The following SUPT20H variants were observed in gnomAD, a reference collection of about 807,000 sequenced individuals.
SUPT20H encodes the protein SPT20 homolog, SAGA complex component.
Under a neutral mutation model 122.8 loss-of-function variants are expected in SUPT20H, and 82 were observed. That is an observed-to-expected ratio of 0.67 (90% CI 0.56 to 0.80). The LOEUF (loss-of-function observed/expected upper bound fraction) is 0.80. Among genes scored for constraint, SUPT20H ranks in the 30% least tolerant of loss-of-function variants. The pLI is 0.00. For missense variants in SUPT20H, 831 were observed against 921.6 expected, an observed-to-expected ratio of 0.90 and a Z score of 1.27; for synonymous variants, 291 against 313.0, an observed-to-expected ratio of 0.93 and a Z score of 0.74.
intron 9 of SUPT20H, 21 bp from the exon 10 acceptor site, chr13:37,033,609 T>C (rs1258211362): frequency 3.7e-6 from 6 of 1,605,654 alleles, no homozygotes; most frequent in Non-Finnish European, 5.1e-6. Flanking sequence ...TAAGAGCATA[T>C]GTCAATACCA....
chr13:37,010,838 T>C (rs1235924741), intron 24 of SUPT20H, 183 bp from the exon 25 acceptor site: 3 of 503,556 alleles, frequency 6.0e-6, no homozygotes, highest in Non-Finnish European at 1.1e-5. Flanking sequence ...GGGGTACCAC[T>C]GATAATGGAA....
At chr13:37,017,579 A>G (rs1249726542) in intron 22 of SUPT20H, among the ~76,000 whole-genome samples, 9 of 152,192 alleles carry the variant, frequency 5.9e-5, no homozygotes. Flanking sequence ...CAAGTATGCT[A>G]ATACTCTTAA....
Position 37,047,571 on chromosome 13 carries a change from C to G in SUPT20H, c.129G>C (p.Leu43Phe). 7.0e-7 allele frequency: 1 copy of G among 1,429,340 alleles called. No individual in the cohort carries two copies. The highest frequency in any genetic ancestry group is 9.3e-7 in the Non-Finnish European group (1 of 1,070,530). 88.5% of individuals were successfully genotyped at this position (1,429,340 alleles called of 1,614,324 possible). Residue 43 changes from leucine to phenylalanine, a missense_variant, in exon 5 of 26, where the codon TTG becomes TTC. By Grantham distance (22) the Leu-to-Phe change is conservative. Transcript: ENST00000350612. ...RKSVFQKLYD[L>F]YIEECEKEPE... Reference sequence around the variant, plus strand: ...GTTCTTTTTCACATTCTTCAATATACAAGTCATAAAGTTTTTGAAATACAG... The same window carrying G: ...GTTCTTTTTCACATTCTTCAATATAGAAGTCATAAAGTTTTTGAAATACAG...
intron 12 of SUPT20H, among the ~76,000 whole-genome samples, chr13:37,030,391 G>T (rs2063087269): frequency 6.6e-6 from 1 of 152,106 alleles, no homozygotes; most frequent in Admixed American, 6.5e-5. Context: ...AGGCAACCAC[G>T]ATCTTAAGAG....
chr13:37,016,947 G>C (rs1383098091), intron 23 of SUPT20H, among the ~76,000 whole-genome samples: 1 of 152,146 alleles, frequency 6.6e-6, no homozygotes, highest in Admixed American at 6.5e-5. Context: ...AAATACATGA[G>C]TGATAGGGGC....
intron 21 of SUPT20H, among the ~76,000 whole-genome samples, chr13:37,020,450 C>T (rs533765846): frequency 6.6e-6 from 1 of 152,224 alleles, no homozygotes; most frequent in African/African-American, 2.4e-5. Flanking sequence ...CACTTTAGAG[C>T]AAACTGAACT....
At chr13:37,010,741 A>C in intron 24 of SUPT20H, 86 bp from the exon 25 acceptor site, 1 of 923,910 alleles carries the variant, frequency 1.1e-6, no homozygotes, top group South Asian at 1.5e-5. Flanking sequence ...AAAATGAAAT[A>C]ATAGAAAAGT....
Position 37,040,601 on chromosome 13 carries a change from TGCCGAC to T in SUPT20H, c.482_487del (p.Ser161_His163delinsAsn). 1 of 1,614,138 alleles carries T rather than the reference TGCCGAC, an allele frequency of 6.2e-7. No homozygotes were observed. On this transcript the variant is annotated inframe_deletion, in exon 8 of 26. Coordinates refer to ENST00000350612, the MANE Select transcript of SUPT20H (RefSeq NM_001014286.3). ...CTGCATTGTTGGACGTAAGAGAATG[TGCCGAC>T]TTTGGTAACCAGGAGATTTCATGTT...
intron 16 of SUPT20H, chr13:37,025,768 T>A: frequency 4.1e-6 from 1 of 242,602 alleles, no homozygotes; most frequent in South Asian, 6.8e-5. Flanking sequence ...TAAAGTACTA[T>A]CTAGAAATCA....
Position 37,022,092 on chromosome 13 carries a change from G to C in SUPT20H, c.1592-12C>G, listed in dbSNP as rs1165804811. 1.2e-6 allele frequency: 2 copies of C among 1,614,142 alleles called. No homozygotes were observed. The highest frequency in any genetic ancestry group is 1.7e-6 in the Non-Finnish European group (2 of 1,179,998). Reference sequence around the variant, plus strand: ...GGTGGCCGTGGTTCCTGGAGTTATAGATGTTACCATGGTGGAAAGAGGAAT... The same window carrying C: ...GGTGGCCGTGGTTCCTGGAGTTATACATGTTACCATGGTGGAAAGAGGAAT... On this transcript the variant is annotated splice_polypyrimidine_tract_variant and intron_variant, in intron 19 of 25. Coordinates refer to ENST00000350612, the MANE Select transcript of SUPT20H (RefSeq NM_001014286.3). This position sits in a 1 kb window ranked among gnomAD's most constrained non-coding sequence, Gnocchi z 4.5.
At chr13:37,009,851 G>C in intron 25 of SUPT20H, 42 bp from the exon 26 acceptor site, 7 of 1,591,260 alleles carry the variant, frequency 4.4e-6, no homozygotes, top group Non-Finnish European at 6.0e-6. Context: ...GTTAAATGCA[G>C]GCAGGTGTAG....
chr13:37,049,218 T>A (rs1566339244), intron 2 of SUPT20H, among the ~76,000 whole-genome samples: 1 of 152,074 alleles, frequency 6.6e-6, no homozygotes, highest in Non-Finnish European at 1.5e-5. Flanking sequence ...TATTCTTGAG[T>A]ATCAACTCAT....
intron 1 of SUPT20H, among the ~76,000 whole-genome samples, chr13:37,058,242 A>T (rs1179790788): frequency 6.6e-6 from 1 of 152,154 alleles, no homozygotes; most frequent in Non-Finnish European, 1.5e-5. Context: ...TCCAGCCTGG[A>T]CAACAAGAGT....
At chr13:37,015,862 C>G (rs1042424761) in intron 23 of SUPT20H, among the ~76,000 whole-genome samples, 11 of 152,228 alleles carry the variant, frequency 7.2e-5, no homozygotes, top group African/African-American at 2.4e-4. Flanking sequence ...GTGATTCTGA[C>G]ACATGCTATA....
chr13:37,050,759 T>C (rs1363617294), intron 2 of SUPT20H, among the ~76,000 whole-genome samples: 1 of 152,142 alleles, frequency 6.6e-6, no homozygotes, highest in Non-Finnish European at 1.5e-5. Context: ...CAAGGTGTTG[T>C]CAGAACCCCA....
intron 9 of SUPT20H, 159 bp downstream of exon 9, chr13:37,040,246 C>T (rs1050280025): frequency 3.1e-6 from 2 of 641,776 alleles, no homozygotes; most frequent in Non-Finnish European, 5.1e-6. Context: ...TATAAAGAGA[C>T]CCTTAACTTC....
At chr13:37,023,774 T>A in intron 19 of SUPT20H, 1 of 296,454 alleles carries the variant, frequency 3.4e-6, no homozygotes, top group Non-Finnish European at 6.1e-6. Context: ...GTTATTTTTT[T>A]AAGGAGATGT....
Position 37,029,838 on chromosome 13 carries a change from T to A in SUPT20H, c.922-2A>T. The A allele has an allele frequency of 6.3e-7, 1 of 1,588,196 alleles. No homozygotes were observed. Among genetic ancestry groups the A allele is most frequent in the Non-Finnish European group, 8.6e-7 (1 of 1,168,686 alleles). Reference sequence around the variant, plus strand: ...TTCCACTTTAGCATATTTCTCCACCTAAACAATCAAATCAAGAAATACCAC... The same window carrying A: ...TTCCACTTTAGCATATTTCTCCACCAAAACAATCAAATCAAGAAATACCAC... On this transcript the variant is annotated splice_acceptor_variant, in intron 12 of 25. Coordinates refer to ENST00000350612, the MANE Select transcript of SUPT20H (RefSeq NM_001014286.3). LOFTEE classifies it high-confidence loss of function.
intron 2 of SUPT20H, among the ~76,000 whole-genome samples, chr13:37,049,621 C>T (rs947609919): frequency 3.9e-5 from 6 of 152,062 alleles, no homozygotes; most frequent in Non-Finnish European, 8.8e-5. Flanking sequence ...CGCCTGTAGT[C>T]CCAGCTACTC....
Sources: gnomAD v4.1 joint callset for allele counts (sites outside exome capture counted in the v4.1 genomes callset) on GRCh38, gnomAD v4.1.1 for gene constraint, Gnocchi (gnomAD v3.1) non-coding constraint, MANE v1.5 for transcripts, NCBI Gene and HGNC (gene_info 2026-07-23, HGNC 2026-07-21) for gene names.